The following SLC30A7 variants were observed in gnomAD, a reference collection of about 807,000 sequenced individuals.
SLC30A7 encodes zinc transporter 7.
In SLC30A7, 35 loss-of-function variants were observed where a neutral mutation model predicts 46.0. That is an observed-to-expected ratio of 0.76 (90% CI 0.58 to 1.01). The LOEUF is 1.01. SLC30A7 is among the 50% of genes least tolerant of loss of function. The pLI is 0.00. For missense variants in SLC30A7, 464 were observed against 451.1 expected, an observed-to-expected ratio of 1.03 and a Z score of -0.26; for synonymous variants, 147 against 157.8, an observed-to-expected ratio of 0.93 and a Z score of 0.51.
intron 2 of SLC30A7, among the ~76,000 whole-genome samples, chr1:100,902,661 GTTT>G (rs1557972847): frequency 3.3e-5 from 5 of 152,168 alleles, no homozygotes; most frequent in African/African-American, 7.2e-5. Context: ...GCTTCAGTTG[GTTT>G]TCTAGTAATC....
chr1:100,953,085 C>G (rs1655043645), intron 8 of SLC30A7, among the ~76,000 whole-genome samples: 1 of 152,094 alleles, frequency 6.6e-6, no homozygotes, highest in African/African-American at 2.4e-5. Context: ...GTGTGTGGCA[C>G]TTCCTCCTTC....
At chr1:100,983,406 C>CAAAAA (rs1320059834), downstream of SLC30A7, among the ~76,000 whole-genome samples, 1 of 135,030 alleles carries the variant, frequency 7.4e-6, no homozygotes, top group Non-Finnish European at 1.6e-5. Context: ...CAAAACAAAA[C>CAAAAA]AAAAAAAACT....
intron 8 of SLC30A7, among the ~76,000 whole-genome samples, chr1:100,933,964 G>T (rs1408949555): frequency 6.6e-6 from 1 of 152,080 alleles, no homozygotes; most frequent in African/African-American, 2.4e-5. Context: ...TCAAGTTATT[G>T]TTTTCATAAA....
At chr1:100,945,943 T>G (rs1333383945) in intron 8 of SLC30A7, among the ~76,000 whole-genome samples, 1 of 152,226 alleles carries the variant, frequency 6.6e-6, no homozygotes, top group African/African-American at 2.4e-5. Context: ...TCTATTCATT[T>G]GTGTCCTCTT....
chr1:100,896,874 C>T (rs1651002192), intron 2 of SLC30A7, among the ~76,000 whole-genome samples: 1 of 152,150 alleles, frequency 6.6e-6, no homozygotes, highest in Non-Finnish European at 1.5e-5. Context: ...TCCTGTGCAA[C>T]CTCTCTTGTC....
chr1:100,954,283 C>A (rs1655116471), intron 8 of SLC30A7, among the ~76,000 whole-genome samples: 1 of 152,208 alleles, frequency 6.6e-6, no homozygotes, highest in East Asian at 1.9e-4. Context: ...CTAACTCTTA[C>A]CTATGTATAA....
At chr1:100,958,997 G>A (rs1655392737) in intron 8 of SLC30A7, among the ~76,000 whole-genome samples, 3 of 152,190 alleles carry the variant, frequency 2.0e-5, no homozygotes, top group Admixed American at 2.0e-4. Context: ...AAGAAGGAGT[G>A]TAAGACTATA....
intron 8 of SLC30A7, among the ~76,000 whole-genome samples, chr1:100,960,175 G>T (rs1655460068): frequency 6.6e-6 from 1 of 152,114 alleles, no homozygotes; most frequent in African/African-American, 2.4e-5. Flanking sequence ...TTAGTAATCT[G>T]TTTGTCCTTA....
chr1:100,908,075 C>G (rs1313474902), intron 3 of SLC30A7, among the ~76,000 whole-genome samples: 2 of 151,486 alleles, frequency 1.3e-5, no homozygotes, highest in African/African-American at 4.9e-5. Flanking sequence ...TCTCTCTTTC[C>G]TTCCTTCACT....
At chr1:100,943,150 A>AAACCT (rs1314874221) in intron 8 of SLC30A7, among the ~76,000 whole-genome samples, 2 of 152,178 alleles carry the variant, frequency 1.3e-5, no homozygotes, top group African/African-American at 4.8e-5. Context: ...GAGATCTCAC[A>AAACCT]GGTTGAGGGA....
Position 100,979,552 on chromosome 1 carries a change from C to T in SLC30A7, c.*4695C>T, listed in dbSNP as rs1656800159. ...ATTTATATTTCCTAACTGCAAATTA[C>T]ACAGAAAGTGAGAATGGGGAATAAC... On this transcript the variant is annotated 3_prime_UTR_variant, in exon 11 of 11. Transcript: ENST00000357650. The T allele has an allele frequency of 6.6e-6, 1 of 151,162 alleles. No individual in the cohort carries two copies. Among genetic ancestry groups the T allele is most frequent in the South Asian group, 2.1e-4 (1 of 4,768 alleles). 9.4% of individuals were successfully genotyped at this position (151,162 alleles called of 1,614,324 possible). A position where few individuals can be genotyped will look rare whatever the true frequency, so the allele number is the denominator to read the frequency against.
At chr1:100,912,790 G>A (rs138412354) in intron 5 of SLC30A7, among the ~76,000 whole-genome samples, 3 of 151,820 alleles carry the variant, frequency 2.0e-5, no homozygotes, top group Non-Finnish European at 4.4e-5. Flanking sequence ...AGATGGGAGA[G>A]TCGCTTGAGC....
At chr1:100,949,432 C>T (rs1654836127) in intron 8 of SLC30A7, among the ~76,000 whole-genome samples, 1 of 152,202 alleles carries the variant, frequency 6.6e-6, no homozygotes, top group Non-Finnish European at 1.5e-5. Flanking sequence ...TCAGCCCCTA[C>T]TGGGAGGTGT....
In SLC30A7 at chr1:100,913,821, G is replaced by C. The variant is rs367869113; in HGVS notation, c.655+15G>C. The stretch of plus-strand genomic sequence containing the variant: ...TCATTCTCATGGTGAGTACAGCCTA[G>C]AGACAAATGGACAGCCTCCAAATAA... On this transcript the variant is annotated intron_variant, in intron 6 of 10. Transcript: ENST00000357650. 6.3e-7 allele frequency: 1 copy of C among 1,595,768 alleles called. No individual in the cohort carries two copies. The highest frequency in any genetic ancestry group is 2.3e-5 in the East Asian group (1 of 44,418).
intron 2 of SLC30A7, among the ~76,000 whole-genome samples, chr1:100,899,178 A>G (rs575057871): frequency 6.6e-6 from 1 of 152,328 alleles, no homozygotes; most frequent in Admixed American, 6.5e-5. Flanking sequence ...CGTAAACTGT[A>G]TTAATGTAGG....
intron 8 of SLC30A7, among the ~76,000 whole-genome samples, chr1:100,948,370 C>G (rs943687597): frequency 6.6e-6 from 1 of 152,124 alleles, no homozygotes; most frequent in South Asian, 2.1e-4. Flanking sequence ...AATATTGGCC[C>G]CCACTCTCTT....
the SLC30A7 span, chr1:100,995,018 A>C: frequency 2.3e-6 from 2 of 884,688 alleles, no homozygotes; most frequent in Non-Finnish European, 3.7e-6. Context: ...CTCATTTTCA[A>C]CCATCTTTAG....
chr1:100,931,133 T>A (rs1324379254), intron 8 of SLC30A7, among the ~76,000 whole-genome samples: 1 of 152,116 alleles, frequency 6.6e-6, no homozygotes, highest in Non-Finnish European at 1.5e-5. Flanking sequence ...GTAAACAGAA[T>A]TTTGAACTTA....
At chr1:100,966,709 C>G (rs965769258) in intron 10 of SLC30A7, among the ~76,000 whole-genome samples, 2 of 151,970 alleles carry the variant, frequency 1.3e-5, no homozygotes, top group African/African-American at 4.8e-5. Context: ...CATCATTGTA[C>G]TTATTTGAGT....
Sources: allele counts gnomAD v4.1 joint callset (sites outside exome capture counted in the v4.1 genomes callset), GRCh38; gene constraint gnomAD v4.1.1; transcripts MANE v1.5; gene names NCBI Gene and HGNC (gene_info 2026-07-23, HGNC 2026-07-21).